The following MACROD2 variants were observed in gnomAD, a reference collection of about 807,000 sequenced individuals.
MACROD2 encodes ADP-ribose glycohydrolase MACROD2.
Under a neutral mutation model 70.4 loss-of-function variants are expected in MACROD2, and 36 were observed. That is an observed-to-expected ratio of 0.51 (90% CI 0.39 to 0.68). MACROD2 has a LOEUF of 0.68. MACROD2 is among the 30% of genes least tolerant of loss of function. The pLI is 0.00. For missense variants in MACROD2, 496 were observed against 538.4 expected (o/e 0.92, Z 0.78); for synonymous variants, 172 against 178.8 (o/e 0.96, Z 0.30).
At chr20:14,458,228 A>G (rs991492713) in intron 3 of MACROD2, among the ~76,000 whole-genome samples, 41 of 152,122 alleles carry the variant, frequency 2.7e-4, no homozygotes, top group African/African-American at 9.7e-4. Context: ...AGTTCACAGA[A>G]GTTCCTTCTT....
chr20:15,050,449 A>G (rs1291854335), intron 5 of MACROD2, among the ~76,000 whole-genome samples: 1 of 151,972 alleles, frequency 6.6e-6, no homozygotes, highest in African/African-American at 2.4e-5. Context: ...ATACTCATAT[A>G]TAAAAAGTAA....
At chr20:14,757,976 G>A in intron 5 of MACROD2, 1 of 860,404 alleles carries the variant, frequency 1.2e-6, no homozygotes, top group South Asian at 1.3e-5. Context: ...CGACAAGAAA[G>A]CCGAGGCTGG....
At chr20:14,401,477 A>G (rs1322956681) in intron 3 of MACROD2, among the ~76,000 whole-genome samples, 1 of 152,214 alleles carries the variant, frequency 6.6e-6, no homozygotes, top group African/African-American at 2.4e-5. Flanking sequence ...ACATAAATAA[A>G]TAAATAGAAT....
chr20:14,230,631 T>TTTTATATATATATATATATA (rs1435234921), intron 3 of MACROD2, among the ~76,000 whole-genome samples: 3 of 94,262 alleles, frequency 3.2e-5, no homozygotes, highest in Admixed American at 1.2e-4. Context: ...TCATTCATGT[T>TTTTATATATATATATATATA]TATATATATA....
intron 5 of MACROD2, among the ~76,000 whole-genome samples, chr20:14,898,209 G>A (rs1259187660): frequency 3.3e-5 from 5 of 152,068 alleles, no homozygotes; most frequent in African/African-American, 9.7e-5. Flanking sequence ...ATTACCTCAG[G>A]TTAGGTTCCT....
At chr20:15,142,005 G>T (rs2076195568) in intron 5 of MACROD2, among the ~76,000 whole-genome samples, 1 of 152,098 alleles carries the variant, frequency 6.6e-6, no homozygotes, top group Non-Finnish European at 1.5e-5. Context: ...CCAAGCATTG[G>T]CCAGTTCTCA....
intron 15 of MACROD2, among the ~76,000 whole-genome samples, chr20:15,996,788 T>C (rs191184247): frequency 8.1e-4 from 123 of 152,292 alleles, no homozygotes; most frequent in Non-Finnish European, 1.3e-3. Flanking sequence ...AAGACCAACA[T>C]TGAGAAGTTT....
rs1359628735 is a variant in MACROD2 at position 14,706,139 on chromosome 20, C to T, written c.418+21180C>T. On this transcript the variant is annotated intron_variant, in intron 5 of 17. Transcript: ENST00000684519. ...TACCATCCTGGCCAACATGATGAAA[C>T]CCCGTCTCTACTAAAAATACAAAAA... Among the ~76,000 whole-genome samples, 12 of 152,118 alleles carry T rather than the reference C, an allele frequency of 7.9e-5. No homozygotes were observed. The East Asian group carries it at 1.7e-3, about 22-fold the overall frequency.
intron 6 of MACROD2, among the ~76,000 whole-genome samples, chr20:15,314,242 A>G (rs1407762033): frequency 6.6e-6 from 1 of 152,094 alleles, no homozygotes; most frequent in East Asian, 1.9e-4. Flanking sequence ...AAACAGTCAA[A>G]TGTTTACAGC....
At chr20:15,863,584 C>T (rs2064454309) in intron 9 of MACROD2, among the ~76,000 whole-genome samples, 1 of 152,170 alleles carries the variant, frequency 6.6e-6, no homozygotes, top group Non-Finnish European at 1.5e-5. Context: ...AGAATCGCTT[C>T]CAGGAAATTT....
intron 15 of MACROD2, among the ~76,000 whole-genome samples, chr20:16,019,084 C>T (rs576470841): frequency 6.6e-6 from 1 of 152,284 alleles, no homozygotes; most frequent in Non-Finnish European, 1.5e-5. Flanking sequence ...ACTGTTTGGG[C>T]ATCATTCATC....
At chr20:15,102,594 A>T (rs2075881340) in intron 5 of MACROD2, among the ~76,000 whole-genome samples, 1 of 152,044 alleles carries the variant, frequency 6.6e-6, no homozygotes, top group Non-Finnish European at 1.5e-5. Flanking sequence ...TAAGAATAAT[A>T]ATTGTTTTGT....
chr20:14,168,078 T>G (rs1055840084), intron 3 of MACROD2, among the ~76,000 whole-genome samples: 1 of 152,146 alleles, frequency 6.6e-6, no homozygotes, highest in African/African-American at 2.4e-5. Flanking sequence ...CATTAATCTA[T>G]TAAGATATTA....
At chr20:14,873,185 G>A (rs1234976267) in intron 5 of MACROD2, among the ~76,000 whole-genome samples, 1 of 152,164 alleles carries the variant, frequency 6.6e-6, no homozygotes, top group East Asian at 1.9e-4. Context: ...CGCATGCACA[G>A]AATGTAGTAA....
rs114166095 is a variant in MACROD2, at chr20:15,670,048, T to G, written c.645+170201T>G. Among the ~76,000 whole-genome samples the G allele has an allele frequency of 6.5e-3, 986 of 152,342 alleles. 8 individuals are homozygous for G. The highest frequency in any genetic ancestry group is 0.022 in the African/African-American group (932 of 41,588). On this transcript the variant is annotated intron_variant, in intron 8 of 17. Coordinates refer to ENST00000684519, the MANE Select transcript of MACROD2 (RefSeq NM_001351661.2). ...GGCAACTTACCTATGGTCACCCTGT[T>G]AATAAGTGTTGGGGTGTCCCTGACC...
At chr20:15,719,632 A>G (rs568280612) in intron 8 of MACROD2, among the ~76,000 whole-genome samples, 301 of 152,162 alleles carry the variant, frequency 2.0e-3, no homozygotes, top group African/African-American at 7.1e-3. Context: ...CCATCTTTTT[A>G]CTTTCTTTTA....
intron 5 of MACROD2, among the ~76,000 whole-genome samples, chr20:14,873,068 C>T (rs1187207141): frequency 1.3e-5 from 2 of 152,020 alleles, no homozygotes; most frequent in Non-Finnish European, 2.9e-5. Context: ...ATGGAGATTA[C>T]AATTCAAGAT....
chr20:16,012,412 A>C (rs1383265423), intron 15 of MACROD2, among the ~76,000 whole-genome samples: 2 of 152,024 alleles, frequency 1.3e-5, no homozygotes, highest in Non-Finnish European at 2.9e-5. Context: ...CTTAGGCCAT[A>C]CTCCCGACCA....
chr20:14,726,972 T>G (rs1487790624), intron 5 of MACROD2, among the ~76,000 whole-genome samples: 1 of 152,200 alleles, frequency 6.6e-6, no homozygotes, highest in Non-Finnish European at 1.5e-5. Context: ...TATTTATAAT[T>G]GAAAAAATTT....
Sources: allele counts gnomAD v4.1 joint callset (sites outside exome capture counted in the v4.1 genomes callset), GRCh38; gene constraint gnomAD v4.1.1; transcripts MANE v1.5; gene names NCBI Gene and HGNC (gene_info 2026-07-23, HGNC 2026-07-21).